The following KRT37 variants were observed in gnomAD, a reference collection of about 807,000 sequenced individuals.
The protein encoded by KRT37 is keratin 37, also known as keratin, type I cuticular Ha7.
KRT37 carries 38 observed loss-of-function variants against 41.9 expected under a neutral mutation model. The ratio of observed to expected loss-of-function variants is 0.91; its 90% CI spans 0.70 to 1.19. The LOEUF (loss-of-function observed/expected upper bound fraction) is 1.19. Ranked by LOEUF, KRT37 falls within the 50% of genes most tolerant of loss-of-function variation. KRT37 has a pLI of 0.00. For missense variants in KRT37, 580 were observed against 575.5 expected (o/e 1.01, Z -0.08); for synonymous variants, 252 against 243.4 (o/e 1.04, Z -0.33).
Position 41,422,833 on chromosome 17 carries a change from GCCTCCAGGTCGGC to G in KRT37, c.664_676del (p.Ala222ProfsTer6). ...CTCCTCCTTCAGGGACTCCTGCTGG[GCCTCCAGGTCGGC>G]CTTGGCCAGGGTCGCGTCATCCAGG... On this transcript the variant is annotated frameshift_variant, in exon 3 of 7. Transcript: ENST00000225550. LOFTEE classifies it high-confidence loss of function. 2 of 1,613,968 alleles carry G rather than the reference GCCTCCAGGTCGGC, an allele frequency of 1.2e-6. No homozygotes were observed. Among genetic ancestry groups the G allele is most frequent in the Non-Finnish European group, 1.7e-6 (2 of 1,179,968 alleles).
At chr17:41,423,674 A>G in intron 2 of KRT37, 88 bp downstream of exon 2, 2 of 1,224,314 alleles carry the variant, frequency 1.6e-6, no homozygotes, top group Non-Finnish European at 2.4e-6. Flanking sequence ...CTGTTTTTGA[A>G]CACCTACAAT....
Position 41,423,922 on chromosome 17 carries a change from A to G in KRT37, c.493-78T>C, listed in dbSNP as rs1437675953. 2.5e-5 allele frequency: 40 copies of G among 1,606,688 alleles called. 1 individual carries two copies. Among genetic ancestry groups the G allele is most frequent in the South Asian group, 1.8e-4 (16 of 90,782 alleles). On this transcript the variant is annotated intron_variant, in intron 1 of 6. Transcript: ENST00000225550. Reference sequence around the variant, plus strand: ...CACTCCATGTGTGGTATTTACGCTCATGTCCAAGAGAAACCAAGAACCCAA... The same window carrying G: ...CACTCCATGTGTGGTATTTACGCTCGTGTCCAAGAGAAACCAAGAACCCAA...
Position 41,424,445 on chromosome 17 carries a change from G to A in KRT37, c.79C>T (p.Pro27Ser), listed in dbSNP as rs1210452310. The A allele has an allele frequency of 2.5e-6, 4 of 1,610,530 alleles. No individual in the cohort carries two copies. Among genetic ancestry groups the A allele is most frequent in the Non-Finnish European group, 3.4e-6 (4 of 1,177,444 alleles). The change falls in exon 1 of 7, where the codon CCT becomes TCT. Residue 27 changes from proline to serine, a missense_variant. Coordinates refer to ENST00000225550, the MANE Select transcript of KRT37 (RefSeq NM_003770.5). ...ACAGGCTGGCACCCAACATCGATAG[G>A]AGAGACAAAGACATTTCTTGCTCCA... The part of the protein sequence containing the change: ...APGARNVFVS[P>S]IDVGCQPVAE...
Position 41,424,309 on chromosome 17 carries a change from G to C in KRT37, c.215C>G (p.Thr72Ser), listed in dbSNP as rs1165984447. 6.2e-7 allele frequency: 1 copy of C among 1,614,108 alleles called. No individual in the cohort carries two copies. The change falls in exon 1 of 7, where the codon ACC becomes AGC. Residue 72 changes from threonine (T) to serine (S), a missense_variant. Coordinates refer to ENST00000225550, the MANE Select transcript of KRT37 (RefSeq NM_003770.5). Reference sequence around the variant, plus strand: ...TGGCAAGGGACAAGCAGTGTGACTGGTTGGGGGCAGACAGAGGCTGGGGCG... The same window carrying C: ...TGGCAAGGGACAAGCAGTGTGACTGCTTGGGGGCAGACAGAGGCTGGGGCG... Reference protein sequence around the residue: ...LGRPSLCLPPTSHTACPLPGT... With the variant: ...LGRPSLCLPPSSHTACPLPGT...
chr17:41,424,381 T>C lies in KRT37; in HGVS notation c.143A>G (p.Asn48Ser), dbSNP rs757696905. 9.5e-5 allele frequency: 154 copies of C among 1,613,730 alleles called. No individual in the cohort carries two copies. The highest frequency in any genetic ancestry group is 5.2e-4 in the Admixed American group (31 of 59,994). The change falls in exon 1 of 7, where the codon AAC (asparagine) becomes AGC (serine). Residue 48 changes from asparagine (N) to serine (S), a missense_variant. Transcript: ENST00000225550. ...ACGGACTCTGTTGGCGTGTGCCACG[T>C]TGGCCAAGAGGCACATGGAGGCAGC... is the stretch of plus-strand genomic sequence containing the variant. ...ANAASMCLLANVAHANRVRVG... is the reference protein window; with the variant it reads ...ANAASMCLLASVAHANRVRVG...
chr17:41,423,006 C>A, intron 2 of KRT37, 72 bp from the exon 3 acceptor site: 1 of 1,535,280 alleles, frequency 6.5e-7, no homozygotes, highest in South Asian at 1.2e-5. Context: ...GGCTTCCTAC[C>A]TCCCACACCA....
chr17:41,422,744 C>A, intron 3 of KRT37, 34 bp downstream of exon 3: 1 of 1,512,964 alleles, frequency 6.6e-7, no homozygotes, highest in Non-Finnish European at 8.9e-7. Context: ...CTGCCCAGCG[C>A]CCTCCCCAGG....
rs1199697177 is a variant in KRT37 at position 41,420,810 on chromosome 17, T to C, written c.*68A>G. ...AGTGAGTCTAGTCTTGAAGGAAGAC[T>C]GGGCAAGGTGAGGGCACTCCTGACC... On this transcript the variant is annotated 3_prime_UTR_variant, in exon 7 of 7. Transcript: ENST00000225550. 3 of 1,013,918 alleles carry C rather than the reference T, an allele frequency of 3.0e-6. No individual in the cohort carries two copies. The highest frequency in any genetic ancestry group is 4.6e-6 in the Non-Finnish European group (3 of 659,152). 62.8% of individuals were successfully genotyped at this position (1,013,918 alleles called of 1,614,324 possible). A position where few individuals can be genotyped will look rare whatever the true frequency, so the allele number is the denominator to read the frequency against.
rs554434458 is a variant in KRT37, at chr17:41,422,226, G to T, written c.895-32C>A. The T allele has an allele frequency of 7.3e-5, 118 of 1,613,968 alleles. 1 individual carries two copies. The South Asian group carries it at 1.3e-3, about 17-fold the overall frequency. ...CACAGAGAAACACAGTCACCTCCCT[G>T]CTCAGATGGAGGCCAGGTACTCCCT... On this transcript the variant is annotated intron_variant, in intron 4 of 6. Coordinates refer to ENST00000225550, the MANE Select transcript of KRT37 (RefSeq NM_003770.5).
At position 41,422,451 on chromosome 17, in the gene KRT37, G is replaced by C. The variant is rs16966808; in HGVS notation, c.733-17C>G. ...CTTTACTTCCTGCAGAAATGGAAGC[G>C]ATAGACAGCCTGCGTAAGGAAACGG... On this transcript the variant is annotated splice_polypyrimidine_tract_variant and intron_variant, in intron 3 of 6. Transcript: ENST00000225550. The C allele has an allele frequency of 1.2e-6, 2 of 1,613,424 alleles. No individual in the cohort carries two copies. The highest frequency in any genetic ancestry group is 1.7e-6 in the Non-Finnish European group (2 of 1,179,546).
At chr17:41,424,008 T>G (rs368479284) in intron 1 of KRT37, 24 bp downstream of exon 1, 22 of 1,608,922 alleles carry the variant, frequency 1.4e-5, no homozygotes, top group Non-Finnish European at 1.8e-5. Context: ...AGACCCAGCA[T>G]GCCCAGGCGA....
Position 41,422,116 on chromosome 17 carries a change from A to T in KRT37, c.973T>A (p.Cys325Ser), listed in dbSNP as rs144652431. The T allele has an allele frequency of 2.4e-3, 3,812 of 1,614,198 alleles. 5 individuals are homozygous for T. Among genetic ancestry groups the T allele is most frequent in the Non-Finnish European group, 3.1e-3 (3,658 of 1,180,034 alleles). The change falls in exon 5 of 7, where the codon TGC (cysteine) becomes AGC (serine). Residue 325 changes from cysteine (C) to serine (S), a missense_variant. Cys to Ser is a moderately radical substitution (Grantham distance 112). Coordinates refer to ENST00000225550, the MANE Select transcript of KRT37 (RefSeq NM_003770.5). ...CCQSEILELR[C>S]TVNALEVERQ... is the part of the protein sequence containing the mutation. ...TCCACCTCCAGGGCATTCACCGTGC[A>T]TCTCAGCTCCAGGATCTCCGACTGG...
Position 41,424,209 on chromosome 17 carries a change from CT to C in KRT37, c.314del (p.Lys105ArgfsTer4). On this transcript the variant is annotated frameshift_variant, in exon 1 of 7. Transcript: ENST00000225550. LOFTEE classifies it high-confidence loss of function. ...YGKNTLNGHE[K>X]ETMKFLNDRL... ...GGTCATTCAGGAACTTCATGGTCTC[CT>C]TCTCATGGCCATTCAGGGTGTTTTT... 4 of 1,614,234 alleles carry C rather than the reference CT, an allele frequency of 2.5e-6. No homozygotes were observed. The highest frequency in any genetic ancestry group is 3.4e-6 in the Non-Finnish European group (4 of 1,180,046).
Position 41,422,416 on chromosome 17 carries a change from T to C in KRT37, c.751A>G (p.Ser251Gly), listed in dbSNP as rs1415304256. ...NHEQEVKILR[S>G]QLGEKFRIEL... ...ATCCGGAACTTCTCCCCCAGCTGAC[T>C]CCTCAGAATCTTTACTTCCTGCAGA... Residue 251 changes from serine (S) to glycine (G), a missense_variant, in exon 4 of 7, where the codon AGT becomes GGT. Coordinates refer to ENST00000225550, the MANE Select transcript of KRT37 (RefSeq NM_003770.5). 22 of 1,614,146 alleles carry C rather than the reference T, an allele frequency of 1.4e-5. No homozygotes were observed. Among genetic ancestry groups the C allele is most frequent in the Non-Finnish European group, 1.9e-5 (22 of 1,179,998 alleles).
At position 41,421,389 on chromosome 17, in the gene KRT37, G is replaced by T; in HGVS notation, c.1219C>A (p.Leu407Ile). The change falls in exon 6 of 7, where the codon CTT (leucine) becomes ATT (isoleucine). Residue 407 changes from leucine (L) to isoleucine (I), a missense_variant. Physicochemically the swap from Leu to Ile is conservative, Grantham distance 5. Transcript: ENST00000225550. The stretch of plus-strand genomic sequence containing the variant: ...TACTTGCAGTCCTCGCTCTCCAGAA[G>T]GTTCCGGTATGTGGCAATCTCGTTC... Reference protein sequence around the residue: ...LENEIATYRNLLESEDCKLPC... With the variant: ...LENEIATYRNILESEDCKLPC... 3 of 1,614,214 alleles carry T rather than the reference G, an allele frequency of 1.9e-6. No individual in the cohort carries two copies. Among genetic ancestry groups the T allele is most frequent in the Non-Finnish European group, 2.5e-6 (3 of 1,180,040 alleles).
chr17:41,421,390 G>T lies in KRT37; in HGVS notation c.1218C>A (p.Asn406Lys). The T allele has an allele frequency of 6.2e-7, 1 of 1,614,212 alleles. No individual in the cohort carries two copies. Among genetic ancestry groups the T allele is most frequent in the South Asian group, 1.1e-5 (1 of 91,084 alleles). ...RLENEIATYR[N>K]LLESEDCKLP... The stretch of plus-strand genomic sequence containing the variant: ...ACTTGCAGTCCTCGCTCTCCAGAAG[G>T]TTCCGGTATGTGGCAATCTCGTTCT... Residue 406 changes from asparagine (N) to lysine (K), a missense_variant, in exon 6 of 7, where the codon AAC becomes AAA. By Grantham distance (94) the Asn-to-Lys change is moderately conservative. Coordinates refer to ENST00000225550, the MANE Select transcript of KRT37 (RefSeq NM_003770.5).
chr17:41,421,229 G>A lies in KRT37; in HGVS notation c.1241+138C>T, dbSNP rs1162559203. Reference sequence around the variant, plus strand: ...AATCCAGTCTGCACAGACCAGGAGAGGTTAATGAGTCACTGAGCAAGAGAG... The same window carrying A: ...AATCCAGTCTGCACAGACCAGGAGAAGTTAATGAGTCACTGAGCAAGAGAG... On this transcript the variant is annotated intron_variant, in intron 6 of 6. Transcript: ENST00000225550. The A allele has an allele frequency of 4.2e-6, 4 of 953,740 alleles. No individual in the cohort carries two copies. The East Asian group carries it at 1.0e-4, about 25-fold the overall frequency. 59.1% of individuals were successfully genotyped at this position (953,740 alleles called of 1,614,324 possible). A position where few individuals can be genotyped will look rare whatever the true frequency, so the allele number is the denominator to read the frequency against.
intron 6 of KRT37, 78 bp downstream of exon 6, chr17:41,421,289 T>C: frequency 1.4e-6 from 2 of 1,447,402 alleles, no homozygotes; most frequent in South Asian, 2.4e-5. Flanking sequence ...TGATATCTTC[T>C]GCAAGCACTT....
In KRT37 at chr17:41,424,381, T is replaced by TTGGCG; in HGVS notation, c.142_143insCGCCA (p.Asn48ThrfsTer55). 1 of 1,613,848 alleles carries TTGGCG rather than the reference T, an allele frequency of 6.2e-7. No individual in the cohort carries two copies. The highest frequency in any genetic ancestry group is 2.2e-5 in the East Asian group (1 of 44,866). On this transcript the variant is annotated frameshift_variant, in exon 1 of 7. Transcript: ENST00000225550. LOFTEE classifies it high-confidence loss of function. ...ACGGACTCTGTTGGCGTGTGCCACG[T>TTGGCG]TGGCCAAGAGGCACATGGAGGCAGC...
Sources: gnomAD v4.1 joint callset for allele counts on GRCh38, gnomAD v4.1.1 for gene constraint, MANE v1.5 for transcripts, NCBI Gene and HGNC (gene_info 2026-07-23, HGNC 2026-07-21) for gene names.